Variants in NRIP2 observed in about 807,000 individuals in gnomAD.
The protein encoded by NRIP2 is nuclear receptor-interacting protein 2.
NRIP2 carries 27 observed loss-of-function variants against 34.1 expected under a neutral mutation model. That is an observed-to-expected ratio of 0.79 (90% confidence interval 0.58 to 1.09). NRIP2 has a LOEUF of 1.09. NRIP2 is among the 50% of genes least tolerant of loss of function. The pLI is 0.00. For synonymous variants in NRIP2, 145 were observed against 146.9 expected (o/e 0.99, Z 0.09); for missense variants, 385 against 352.6 (o/e 1.09, Z -0.74).
chr12:2,831,830 C>T (rs1382624997), intron 1 of NRIP2, among the ~76,000 whole-genome samples: 1 of 152,082 alleles, frequency 6.6e-6, no homozygotes. Flanking sequence ...TTCCTTGGCT[C>T]AAGGCATTCT....
At chr12:2,830,599 C>T in intron 2 of NRIP2, 109 bp downstream of exon 2, 1 of 1,196,768 alleles carries the variant, frequency 8.4e-7, no homozygotes, top group Admixed American at 2.6e-5. Flanking sequence ...GAGAGAGGTG[C>T]CCTTTCTCCC....
Position 2,826,870 on chromosome 12 carries a change from T to C in NRIP2, c.*337A>G. On this transcript the variant is annotated 3_prime_UTR_variant, in exon 6 of 6. Transcript: ENST00000337508. The stretch of plus-strand genomic sequence containing the variant: ...ATTGGGTGATGGACAAGGACAGCAG[T>C]CAGCAGAGCCTTCGACCCAGCCCAA... 3 of 590,078 alleles carry C rather than the reference T, an allele frequency of 5.1e-6. No homozygotes were observed. Among genetic ancestry groups the C allele is most frequent in the Non-Finnish European group, 7.2e-6 (3 of 418,712 alleles). The allele number at this position is 590,078 out of a possible 1,614,324, so 36.6% of individuals were successfully genotyped here. A position where few individuals can be genotyped will look rare whatever the true frequency, so the allele number is the denominator to read the frequency against.
chr12:2,833,961 C>T (rs928279952), intron 1 of NRIP2, among the ~76,000 whole-genome samples: 3 of 152,228 alleles, frequency 2.0e-5, no homozygotes, highest in Non-Finnish European at 4.4e-5. Context: ...GTCAGCATTG[C>T]CTCTCAGAGG....
Position 2,834,978 on chromosome 12 carries a change from T to A in NRIP2, c.6A>T (p.Leu2Phe), listed in dbSNP as rs757740120. The A allele has an allele frequency of 4.4e-6, 7 of 1,575,824 alleles. No homozygotes were observed. Among genetic ancestry groups the A allele is most frequent in the Middle Eastern group, 1.7e-4 (1 of 5,882 alleles). The stretch of plus-strand genomic sequence containing the variant: ...ACGGGAGGGAAAGAGGAAAAATAAA[T>A]AACATGCAGGAGCAGCCGCGTCAGT... M[L>F]FIFPLSLPWR... The change falls in exon 1 of 6, where the codon TTA (leucine) becomes TTT (phenylalanine). Residue 2 changes from leucine to phenylalanine, a missense_variant. Transcript: ENST00000337508.
At position 2,834,937 on chromosome 12, in the gene NRIP2, CA is replaced by C; in HGVS notation, c.46del (p.Trp16GlyfsTer20). ...CTGTCCCGTGCTGCAGCTCTCTTTC[CA>C]ACAGGAGGGTCTCCACGGGAGGGAA... is the stretch of plus-strand genomic sequence containing the variant. ...PLSLPWRPSC[W>X]KESCSTGQRQ... On this transcript the variant is annotated frameshift_variant, in exon 1 of 6. Transcript: ENST00000337508. LOFTEE classifies it high-confidence loss of function. 6.2e-7 allele frequency: 1 copy of C among 1,609,226 alleles called. No individual in the cohort carries two copies. The highest frequency in any genetic ancestry group is 8.5e-7 in the Non-Finnish European group (1 of 1,177,844).
intron 1 of NRIP2, among the ~76,000 whole-genome samples, chr12:2,834,123 A>G (rs2098016489): frequency 6.6e-6 from 1 of 152,160 alleles, no homozygotes; most frequent in South Asian, 2.1e-4. Flanking sequence ...GGGGAGCAGC[A>G]CTCAAGGCGG....
intron 2 of NRIP2, among the ~76,000 whole-genome samples, 154 bp from the exon 3 acceptor site, chr12:2,828,568 G>A (rs764341897): frequency 1.3e-5 from 2 of 152,196 alleles, no homozygotes; most frequent in Non-Finnish European, 2.9e-5. Flanking sequence ...GGCCAGGCGC[G>A]GTAGCTCACG....
In NRIP2 at chr12:2,825,736, T is replaced by G. The variant is rs2097963405; in HGVS notation, c.*1471A>C. ...ACGGTCCCAGTTCCCTTGTTCAGGT[T>G]AGCTGTACCACTGTCTTTCTCTGCT... On this transcript the variant is annotated 3_prime_UTR_variant, in exon 6 of 6. Coordinates refer to ENST00000337508, the MANE Select transcript of NRIP2 (RefSeq NM_031474.3). 2.0e-5 allele frequency: 3 copies of G among 152,356 alleles called. No homozygotes were observed. The highest frequency in any genetic ancestry group is 6.5e-5 in the Admixed American group (1 of 15,276). The allele number at this position is 152,356 out of a possible 1,614,324, so 9.4% of individuals were successfully genotyped here.
chr12:2,829,572 A>G (rs891731320), intron 2 of NRIP2, among the ~76,000 whole-genome samples: 2 of 151,802 alleles, frequency 1.3e-5, no homozygotes, highest in African/African-American at 2.4e-5. Flanking sequence ...CCAGGAGTTC[A>G]GGACCAGCCT....
At position 2,827,491 on chromosome 12, in the gene NRIP2, G is replaced by T; in HGVS notation, c.753+134C>A. ...GATTTTTCACTTGGTGGTAAGTAAG[G>T]AACCTCTAAGGAAGCAAAGGGACAG... On this transcript the variant is annotated intron_variant, in intron 5 of 5. Coordinates refer to ENST00000337508, the MANE Select transcript of NRIP2 (RefSeq NM_031474.3). The surrounding 1 kb of genome is among the most constrained non-coding windows in gnomAD (Gnocchi z 4.0). 2 of 1,547,020 alleles carry T rather than the reference G, an allele frequency of 1.3e-6. No individual in the cohort carries two copies. Among genetic ancestry groups the T allele is most frequent in the South Asian group, 2.5e-5 (2 of 78,498 alleles).
chr12:2,827,897 C>T lies in NRIP2; in HGVS notation c.700+29G>A, dbSNP rs777774309. Reference sequence around the variant, plus strand: ...CCCAAAGAGAAAGGTGAGGTGAGCACCAGGGCTGTTGCAGAAGGGGGGACT... The same window carrying T: ...CCCAAAGAGAAAGGTGAGGTGAGCATCAGGGCTGTTGCAGAAGGGGGGACT... On this transcript the variant is annotated intron_variant, in intron 4 of 5. Transcript: ENST00000337508. The surrounding 1 kb of genome is among the most constrained non-coding windows in gnomAD (Gnocchi z 4.0). 2 of 1,613,548 alleles carry T rather than the reference C, an allele frequency of 1.2e-6. No homozygotes were observed. The highest frequency in any genetic ancestry group is 8.5e-7 in the Non-Finnish European group (1 of 1,180,014).
At position 2,826,926 on chromosome 12, in the gene NRIP2, C is replaced by G; in HGVS notation, c.*281G>C. The G allele has an allele frequency of 8.2e-7, 1 of 1,220,354 alleles. No individual in the cohort carries two copies. The highest frequency in any genetic ancestry group is 1.0e-6 in the Non-Finnish European group (1 of 961,066). 75.6% of individuals were successfully genotyped at this position (1,220,354 alleles called of 1,614,324 possible). Reference sequence around the variant, plus strand: ...CACCCCATTGTGCTTAGGTTCCTATCTGTGGTCTTGATTTGGCTTTGCTTT... The same window carrying G: ...CACCCCATTGTGCTTAGGTTCCTATGTGTGGTCTTGATTTGGCTTTGCTTT... On this transcript the variant is annotated 3_prime_UTR_variant, in exon 6 of 6. Transcript: ENST00000337508.
Position 2,834,927 on chromosome 12 carries a change from GCT to G in NRIP2, c.55_56del (p.Ser19LeufsTer42), listed in dbSNP as rs763344914. 330 of 1,612,030 alleles carry G rather than the reference GCT, an allele frequency of 2.0e-4. No homozygotes were observed. Among genetic ancestry groups the G allele is most frequent in the Non-Finnish European group, 2.5e-4 (299 of 1,179,064 alleles). On this transcript the variant is annotated frameshift_variant, in exon 1 of 6. Coordinates refer to ENST00000337508, the MANE Select transcript of NRIP2 (RefSeq NM_031474.3). LOFTEE classifies it high-confidence loss of function. ...CTGCCTGTCTCTGTCCCGTGCTGCAGCTCTCTTTCCAACAGGAGGGTCTCCAC... is the reference window on the plus strand; with the variant it reads ...CTGCCTGTCTCTGTCCCGTGCTGCAGCTCTTTCCAACAGGAGGGTCTCCAC... ...LPWRPSCWKE[S>X]CSTGQRQAGR... is the part of the protein sequence containing the mutation.
At chr12:2,829,906 C>T (rs796235168) in intron 2 of NRIP2, among the ~76,000 whole-genome samples, 11,338 of 128,546 alleles carry the variant, frequency 0.088, 2 homozygotes, top group South Asian at 0.18. Context: ...GGAGAAACCC[C>T]ATCTCTACTA....
In NRIP2 at chr12:2,834,985, C is replaced by T. The variant is rs746440303; in HGVS notation, c.-2G>A. The T allele has an allele frequency of 6.4e-7, 1 of 1,558,786 alleles. No individual in the cohort carries two copies. Among genetic ancestry groups the T allele is most frequent in the Middle Eastern group, 1.7e-4 (1 of 5,776 alleles). ...GGAAAGAGGAAAAATAAATAACATG[C>T]AGGAGCAGCCGCGTCAGTCTCCAAT... On this transcript the variant is annotated 5_prime_UTR_variant, in exon 1 of 6. Coordinates refer to ENST00000337508, the MANE Select transcript of NRIP2 (RefSeq NM_031474.3).
In NRIP2 at chr12:2,827,570, G is replaced by T; in HGVS notation, c.753+55C>A. 6.2e-7 allele frequency: 1 copy of T among 1,613,330 alleles called. No individual in the cohort carries two copies. Among genetic ancestry groups the T allele is most frequent in the African/African-American group, 1.3e-5 (1 of 74,990 alleles). On this transcript the variant is annotated intron_variant, in intron 5 of 5. Coordinates refer to ENST00000337508, the MANE Select transcript of NRIP2 (RefSeq NM_031474.3). This position sits in a 1 kb window ranked among gnomAD's most constrained non-coding sequence, Gnocchi z 4.0. ...AACCTGGTCCAGGTTCCACACCTGTGCCTTCTACTACTTTTTCCCAGTGCT... is the reference window on the plus strand; with the variant it reads ...AACCTGGTCCAGGTTCCACACCTGTTCCTTCTACTACTTTTTCCCAGTGCT...
Position 2,826,886 on chromosome 12 carries a change from C to T in NRIP2, c.*321G>A, listed in dbSNP as rs2097969787. The T allele has an allele frequency of 3.5e-6, 3 of 861,360 alleles. No individual in the cohort carries two copies. Among genetic ancestry groups the T allele is most frequent in the Non-Finnish European group, 4.5e-6 (3 of 659,754 alleles). The allele number at this position is 861,360 out of a possible 1,614,324, so 53.4% of individuals were successfully genotyped here. On this transcript the variant is annotated 3_prime_UTR_variant, in exon 6 of 6. Transcript: ENST00000337508. ...GGACAGCAGTCAGCAGAGCCTTCGA[C>T]CCAGCCCAAGCAGGCACCCCATTGT...
rs149164414 is a variant in NRIP2, at chr12:2,833,640, G to T, written c.342+1002C>A. On this transcript the variant is annotated intron_variant, in intron 1 of 5. Transcript: ENST00000337508. ...TAGGAGAGGGGACAGGGAACCGAGT[G>T]CTCCCAAGCCTTTCTACAAAGGATT... 2.0e-5 allele frequency among the ~76,000 whole-genome samples: 3 copies of T among 152,248 alleles called. No homozygotes were observed. The East Asian group carries it at 5.8e-4, about 29-fold the overall frequency.
intron 3 of NRIP2, 36 bp downstream of exon 3, chr12:2,828,296 C>G: frequency 6.3e-7 from 1 of 1,578,470 alleles, no homozygotes; most frequent in Non-Finnish European, 8.7e-7. Flanking sequence ...AAAAGAAACC[C>G]TGTCCCCCAC....
Sources: gnomAD v4.1 joint callset for allele counts (sites outside exome capture counted in the v4.1 genomes callset) on GRCh38, gnomAD v4.1.1 for gene constraint, Gnocchi (gnomAD v3.1) non-coding constraint, MANE v1.5 for transcripts, NCBI Gene and HGNC (gene_info 2026-07-23, HGNC 2026-07-21) for gene names.